Variants in COP1 observed in about 807,000 individuals in gnomAD.
COP1 encodes the protein E3 ubiquitin-protein ligase COP1.
COP1 carries 24 observed loss-of-function variants against 101.3 expected under a neutral mutation model. That is an observed-to-expected ratio of 0.24 (90% CI 0.17 to 0.33). The LOEUF (loss-of-function observed/expected upper bound fraction) is 0.33. COP1 is among the 10% of genes least tolerant of loss of function. COP1 has a pLI of 1.00. For missense variants in COP1, 663 were observed against 906.2 expected, an observed-to-expected ratio of 0.73 and a Z score of 3.45; for synonymous variants, 347 against 341.9, an observed-to-expected ratio of 1.01 and a Z score of -0.17.
At chr1:176,031,602 T>C (rs1401402556) in intron 14 of COP1, among the ~76,000 whole-genome samples, 1 of 152,172 alleles carries the variant, frequency 6.6e-6, no homozygotes, top group Non-Finnish European at 1.5e-5. Context: ...TATTTACATA[T>C]GGCCTCCTTT....
At chr1:176,035,342 TA>T (rs1415363474) in intron 14 of COP1, among the ~76,000 whole-genome samples, 2 of 150,636 alleles carry the variant, frequency 1.3e-5, no homozygotes, top group Non-Finnish European at 3.0e-5. Context: ...CAGAACAATA[TA>T]AATTACCCAA....
At chr1:176,126,025 C>T (rs1687926877) in intron 8 of COP1, among the ~76,000 whole-genome samples, 1 of 152,168 alleles carries the variant, frequency 6.6e-6, no homozygotes, top group East Asian at 1.9e-4. Flanking sequence ...TCGTTCACTG[C>T]TGGCATATAA....
chr1:176,199,219 A>C (rs1480460536), intron 1 of COP1, among the ~76,000 whole-genome samples: 1 of 152,156 alleles, frequency 6.6e-6, no homozygotes, highest in African/African-American at 2.4e-5. Context: ...CGGGAGGTTA[A>C]GGCAGGAGAA....
chr1:176,003,129 G>A (rs1662165269), intron 15 of COP1, among the ~76,000 whole-genome samples: 1 of 150,054 alleles, frequency 6.7e-6, no homozygotes, highest in African/African-American at 2.5e-5. Context: ...ATTTTTTCAT[G>A]TGTTTTTTGG....
chr1:176,061,552 G>T (rs1299248764), intron 11 of COP1, among the ~76,000 whole-genome samples: 1 of 152,156 alleles, frequency 6.6e-6, no homozygotes, highest in Admixed American at 6.5e-5. Flanking sequence ...CTTGAACCCC[G>T]GAGGCAGAGG....
chr1:176,116,351 C>CA (rs1352009210), intron 9 of COP1, among the ~76,000 whole-genome samples: 1 of 151,778 alleles, frequency 6.6e-6, no homozygotes, highest in Non-Finnish European at 1.5e-5. Flanking sequence ...CAGAGTGTCT[C>CA]AAAAAAACAA....
intron 9 of COP1, among the ~76,000 whole-genome samples, chr1:176,095,036 A>C (rs928237539): frequency 6.6e-6 from 1 of 152,182 alleles, no homozygotes; most frequent in Non-Finnish European, 1.5e-5. Context: ...AATGAAGCTA[A>C]AAGTGTCTGT....
chr1:175,995,582 A>G (rs948770066), intron 15 of COP1, among the ~76,000 whole-genome samples: 1 of 152,270 alleles, frequency 6.6e-6, no homozygotes, highest in Non-Finnish European at 1.5e-5. Flanking sequence ...CCGATCCCAC[A>G]GAAATACAAA....
chr1:176,013,858 A>G (rs1665123346), intron 15 of COP1, among the ~76,000 whole-genome samples: 1 of 152,190 alleles, frequency 6.6e-6, no homozygotes. Context: ...TTATTCTAGG[A>G]AAGTACCTGT....
At chr1:175,971,961 G>T (rs1225926326) in intron 18 of COP1, among the ~76,000 whole-genome samples, 1 of 152,144 alleles carries the variant, frequency 6.6e-6, no homozygotes, top group Non-Finnish European at 1.5e-5. Context: ...TGTAAAGAAA[G>T]AATAGGTTTG....
At chr1:176,165,395 T>TGTGTGTGTGTGG (rs1553302026) in intron 3 of COP1, among the ~76,000 whole-genome samples, 3 of 142,612 alleles carry the variant, frequency 2.1e-5, no homozygotes, top group African/African-American at 8.2e-5. Context: ...TGTGTGTGTG[T>TGTGTGTGTGTGG]GTGTGTGTGT....
intron 1 of COP1, among the ~76,000 whole-genome samples, chr1:176,205,642 C>G (rs1283178916): frequency 1.3e-5 from 2 of 152,208 alleles, no homozygotes; most frequent in African/African-American, 4.8e-5. Flanking sequence ...CATAATCCTA[C>G]CAATATCTAA....
chr1:176,014,237 AC>A (rs1209814431), intron 15 of COP1, among the ~76,000 whole-genome samples: 1 of 152,214 alleles, frequency 6.6e-6, no homozygotes, highest in Non-Finnish European at 1.5e-5. Context: ...AGGCTGCTTT[AC>A]AGACTTCTGC....
rs958419021 is a variant in COP1 at position 175,997,050 on chromosome 1, G to A, written c.1730-7571C>T. 2.1e-3 allele frequency among the ~76,000 whole-genome samples: 323 copies of A among 150,828 alleles called. 1 individual carries two copies. The highest frequency in any genetic ancestry group is 7.4e-3 in the African/African-American group (301 of 40,544). On this transcript the variant is annotated intron_variant, in intron 15 of 19. Coordinates refer to ENST00000367669, the MANE Select transcript of COP1 (RefSeq NM_022457.7). Reference sequence around the variant, plus strand: ...AGCATGGTACTGGTACCAAAACAGAGATATAGATCAATGGAACAGAACACA... The same window carrying A: ...AGCATGGTACTGGTACCAAAACAGAAATATAGATCAATGGAACAGAACACA...
chr1:176,014,107 T>C (rs1253440626), intron 15 of COP1, among the ~76,000 whole-genome samples: 1 of 152,204 alleles, frequency 6.6e-6, no homozygotes, highest in Non-Finnish European at 1.5e-5. Flanking sequence ...CAATGAACTT[T>C]CATTTGCAGA....
intron 11 of COP1, among the ~76,000 whole-genome samples, chr1:176,052,123 T>C (rs1672673396): frequency 6.6e-6 from 1 of 152,142 alleles, no homozygotes; most frequent in African/African-American, 2.4e-5. Flanking sequence ...CCATTAATGG[T>C]AAGTGCCCTA....
At chr1:175,968,241 A>G (rs908121729) in intron 18 of COP1, 1 of 213,320 alleles carries the variant, frequency 4.7e-6, no homozygotes, top group Non-Finnish European at 9.8e-6. Flanking sequence ...AATAACACCT[A>G]TTTTCAAAAC....
intron 15 of COP1, among the ~76,000 whole-genome samples, chr1:175,991,564 C>T (rs1308156689): frequency 6.6e-6 from 1 of 152,106 alleles, no homozygotes; most frequent in Non-Finnish European, 1.5e-5. Context: ...ATAAATCAAC[C>T]TTACCTTACA....
At chr1:175,991,013 A>C (rs1658306088) in intron 15 of COP1, among the ~76,000 whole-genome samples, 1 of 152,132 alleles carries the variant, frequency 6.6e-6, no homozygotes, top group African/African-American at 2.4e-5. Flanking sequence ...AAATCAAAAA[A>C]TCCCAAATCC....
Sources: gnomAD v4.1 joint callset for allele counts (sites outside exome capture counted in the v4.1 genomes callset) on GRCh38, gnomAD v4.1.1 for gene constraint, MANE v1.5 for transcripts, NCBI Gene and HGNC (gene_info 2026-07-23, HGNC 2026-07-21) for gene names.